ATF6: variants seen among roughly 807,000 people sequenced by gnomAD.
ATF6 encodes cyclic AMP-dependent transcription factor ATF-6 alpha.
Under a neutral mutation model 83.6 loss-of-function variants are expected in ATF6, and 53 were observed. The ratio of observed to expected loss-of-function variants is 0.63; its 90% CI spans 0.51 to 0.80. The LOEUF (loss-of-function observed/expected upper bound fraction) is 0.80, where lower values mean the gene tolerates loss of function less well. Among genes scored for constraint, ATF6 ranks in the 30% least tolerant of loss-of-function variants. ATF6 has a pLI of 0.00. For missense variants in ATF6, 744 were observed against 797.9 expected (o/e 0.93, Z 0.81); for synonymous variants, 288 against 285.8 (o/e 1.01, Z -0.08).
chr1:161,798,067 T>C lies in ATF6; in HGVS notation c.689-3985T>C, dbSNP rs111724172. Among the ~76,000 whole-genome samples the C allele has an allele frequency of 9.8e-3, 1,500 of 152,302 alleles. 8 individuals are homozygous for C. Among genetic ancestry groups the C allele is most frequent in the South Asian group, 0.017 (84 of 4,824 alleles). On this transcript the variant is annotated intron_variant, in intron 6 of 15. Transcript: ENST00000367942. Reference sequence around the variant, plus strand: ...CAAAAACAAACAGTGGGGAAAGGACTGCCTATTCAATAAATGGTGGTAAGA... The same window carrying C: ...CAAAAACAAACAGTGGGGAAAGGACCGCCTATTCAATAAATGGTGGTAAGA...
chr1:161,854,229 A>T (rs1206208216), intron 12 of ATF6, among the ~76,000 whole-genome samples: 2 of 152,236 alleles, frequency 1.3e-5, no homozygotes, highest in East Asian at 3.9e-4. Flanking sequence ...ATGGAATAAA[A>T]TTTTTTCACT....
chr1:161,943,737 C>T (rs1688696810), intron 15 of ATF6, among the ~76,000 whole-genome samples: 1 of 152,206 alleles, frequency 6.6e-6, no homozygotes, highest in Non-Finnish European at 1.5e-5. Flanking sequence ...TTTTCACACG[C>T]ACACAAAAAG....
intron 9 of ATF6, among the ~76,000 whole-genome samples, chr1:161,825,228 C>T (rs1685864449): frequency 6.6e-6 from 1 of 152,134 alleles, no homozygotes; most frequent in South Asian, 2.1e-4. Context: ...AGGTGCACCT[C>T]ACCACACCTG....
chr1:161,797,523 T>C (rs571843373), intron 6 of ATF6, among the ~76,000 whole-genome samples: 2 of 152,226 alleles, frequency 1.3e-5, no homozygotes, highest in South Asian at 4.1e-4. Context: ...TATACCCCAG[T>C]AATGTCCAAG....
At chr1:161,914,891 C>G (rs1168441762) in intron 15 of ATF6, among the ~76,000 whole-genome samples, 1 of 152,170 alleles carries the variant, frequency 6.6e-6, no homozygotes, top group Non-Finnish European at 1.5e-5. Flanking sequence ...TCTCTCTATG[C>G]CTGCTCTCAA....
intron 9 of ATF6, among the ~76,000 whole-genome samples, chr1:161,845,369 TA>T (rs1686459302): frequency 6.6e-6 from 1 of 152,208 alleles, no homozygotes; most frequent in Non-Finnish European, 1.5e-5. Flanking sequence ...TGTTGAATTT[TA>T]TGAGTAGTGT....
At chr1:161,808,076 C>T (rs1685347304) in intron 7 of ATF6, among the ~76,000 whole-genome samples, 1 of 151,708 alleles carries the variant, frequency 6.6e-6, no homozygotes, top group Admixed American at 6.6e-5. Flanking sequence ...GATGGGGTTT[C>T]ACCAGTTTGG....
chr1:161,802,361 T>C, intron 7 of ATF6, 89 bp downstream of exon 7: 1 of 1,154,982 alleles, frequency 8.7e-7, no homozygotes, highest in South Asian at 1.5e-5. Flanking sequence ...TGTTTTTGTT[T>C]TTTTTAGAGT....
chr1:161,860,424 G>GTATA (rs144003510), intron 13 of ATF6, 147 bp downstream of exon 13: 1 of 227,426 alleles, frequency 4.4e-6, no homozygotes, highest in Non-Finnish European at 8.8e-6. Context: ...ATATATATAT[G>GTATA]TATATATATA....
chr1:161,835,758 C>A (rs1317943911), intron 9 of ATF6, among the ~76,000 whole-genome samples: 2 of 152,174 alleles, frequency 1.3e-5, no homozygotes, highest in Non-Finnish European at 2.9e-5. Context: ...GTGAAGGGAA[C>A]TTCTTCCTGG....
At chr1:161,929,115 T>C (rs553626166) in intron 15 of ATF6, among the ~76,000 whole-genome samples, 6 of 152,208 alleles carry the variant, frequency 3.9e-5, no homozygotes, top group Non-Finnish European at 2.9e-5. Context: ...TAAAAGCTCC[T>C]GCCCCAGATA....
intron 7 of ATF6, among the ~76,000 whole-genome samples, chr1:161,810,264 A>G (rs1038651337): frequency 5.3e-5 from 8 of 152,326 alleles, no homozygotes; most frequent in African/African-American, 1.7e-4. Context: ...GCCTCAGGAA[A>G]CTTACAATCA....
rs895993436 is a variant in ATF6, at chr1:161,939,970, A to G, written c.1805-18476A>G. On this transcript the variant is annotated intron_variant, in intron 15 of 15. Transcript: ENST00000367942. ...CTGCACATGGCTTTAAATACTATCT[A>G]TGAGCTAATGTCTCCCAGATTTGTA... 2.0e-5 allele frequency among the ~76,000 whole-genome samples: 3 copies of G among 152,194 alleles called. No individual in the cohort carries two copies. The East Asian group carries it at 5.8e-4, about 29-fold the overall frequency.
At chr1:161,839,246 C>A (rs1437836784) in intron 9 of ATF6, among the ~76,000 whole-genome samples, 2 of 152,126 alleles carry the variant, frequency 1.3e-5, no homozygotes, top group African/African-American at 2.4e-5. Flanking sequence ...AGAAGAGAGA[C>A]AATAAACATA....
chr1:161,812,539 C>T (rs1267025631), intron 7 of ATF6, among the ~76,000 whole-genome samples: 2 of 150,522 alleles, frequency 1.3e-5, no homozygotes, highest in African/African-American at 4.9e-5. Context: ...ACTACAGGCG[C>T]CCGCCACTAC....
At chr1:161,832,218 A>G (rs1303872832) in intron 9 of ATF6, among the ~76,000 whole-genome samples, 1 of 152,210 alleles carries the variant, frequency 6.6e-6, no homozygotes, top group African/African-American at 2.4e-5. Flanking sequence ...TTGAAAAAAA[A>G]TCTGGAAATA....
chr1:161,813,392 C>G (rs775458176), intron 7 of ATF6, among the ~76,000 whole-genome samples: 67 of 152,160 alleles, frequency 4.4e-4, no homozygotes, highest in Non-Finnish European at 7.9e-4. Context: ...TTAAGTGTAT[C>G]TATTTAGCAT....
intron 15 of ATF6, among the ~76,000 whole-genome samples, chr1:161,953,858 C>T (rs1163246387): frequency 6.6e-6 from 1 of 152,128 alleles, no homozygotes; most frequent in Non-Finnish European, 1.5e-5. Flanking sequence ...CCAGGCACTT[C>T]TTAAGGGAGC....
At chr1:161,842,476 A>G (rs993006482) in intron 9 of ATF6, among the ~76,000 whole-genome samples, 1 of 151,686 alleles carries the variant, frequency 6.6e-6, no homozygotes, top group African/African-American at 2.4e-5. Flanking sequence ...ATGCCCATCA[A>G]TCAACAAGTG....
Sources: gnomAD v4.1 joint callset for allele counts (sites outside exome capture counted in the v4.1 genomes callset) on GRCh38, gnomAD v4.1.1 for gene constraint, MANE v1.5 for transcripts, NCBI Gene and HGNC (gene_info 2026-07-23, HGNC 2026-07-21) for gene names.